The following NARS2 variants were observed in gnomAD, a reference collection of about 807,000 sequenced individuals.
NARS2 encodes the protein asparaginyl-tRNA synthetase.
Under a neutral mutation model 62.9 loss-of-function variants are expected in NARS2, and 60 were observed. The observed-to-expected ratio is 0.95, with a 90% CI of 0.77 to 1.18. The LOEUF (loss-of-function observed/expected upper bound fraction) is 1.18, where lower values mean the gene tolerates loss of function less well. Among genes scored for constraint, NARS2 ranks in the 50% most tolerant of loss-of-function variants. NARS2 has a pLI of 0.00. For synonymous variants in NARS2, 196 were observed against 200.0 expected (o/e 0.98, Z 0.17); for missense variants, 619 against 576.4 (o/e 1.07, Z -0.76).
chr11:78,438,831 T>C (rs994057263), intron 13 of NARS2, among the ~76,000 whole-genome samples: 1 of 152,166 alleles, frequency 6.6e-6, no homozygotes, highest in Non-Finnish European at 1.5e-5. Context: ...CTAGCAGACA[T>C]CACAGATATG....
At chr11:78,550,657 T>C (rs11237541) in intron 5 of NARS2, among the ~76,000 whole-genome samples, 104,373 of 152,000 alleles carry the variant, frequency 0.69, 37,642 homozygotes, top group Non-Finnish European at 0.81. Flanking sequence ...CTCAAAATGC[T>C]GCGGCCACTC....
intron 6 of NARS2, among the ~76,000 whole-genome samples, chr11:78,527,681 C>T (rs1159877672): frequency 1.3e-5 from 2 of 152,058 alleles, no homozygotes; most frequent in Non-Finnish European, 1.5e-5. Context: ...ATGGAAAACA[C>T]CAAAAGATTC....
intron 5 of NARS2, among the ~76,000 whole-genome samples, chr11:78,550,225 C>T (rs750357292): frequency 6.6e-5 from 10 of 152,172 alleles, no homozygotes; most frequent in Non-Finnish European, 1.5e-4. Flanking sequence ...AAAGTTCCCT[C>T]GACCTTTAAT....
intron 6 of NARS2, among the ~76,000 whole-genome samples, chr11:78,510,777 A>T (rs1375956297): frequency 6.6e-6 from 1 of 151,016 alleles, no homozygotes; most frequent in Non-Finnish European, 1.5e-5. Context: ...AACAAATGCA[A>T]AAAAAGAGAA....
intron 2 of NARS2, among the ~76,000 whole-genome samples, chr11:78,570,806 A>C (rs1372002535): frequency 2.0e-5 from 3 of 152,224 alleles, no homozygotes; most frequent in Admixed American, 2.0e-4. Context: ...GTGAGATGCC[A>C]TTCCTAACCT....
At chr11:78,527,314 TTGAA>T (rs1861328532) in intron 6 of NARS2, among the ~76,000 whole-genome samples, 1 of 152,216 alleles carries the variant, frequency 6.6e-6, no homozygotes, top group Non-Finnish European at 1.5e-5. Context: ...CATTTTGTAT[TTGAA>T]TGAGTCATGT....
chr11:78,459,046 C>G (rs1858282815), intron 11 of NARS2, among the ~76,000 whole-genome samples: 1 of 151,874 alleles, frequency 6.6e-6, no homozygotes, highest in Non-Finnish European at 1.5e-5. Context: ...GCCTCCCGAG[C>G]TGGGACTACA....
At chr11:78,566,407 G>A in intron 3 of NARS2, 135 bp from the exon 4 acceptor site, 1 of 663,252 alleles carries the variant, frequency 1.5e-6, no homozygotes, top group Non-Finnish European at 2.3e-6. Context: ...TAATATAACT[G>A]ATTTTAATCC....
chr11:78,441,890 A>C (rs1214017286), intron 12 of NARS2, among the ~76,000 whole-genome samples: 1 of 152,190 alleles, frequency 6.6e-6, no homozygotes, highest in Non-Finnish European at 1.5e-5. Context: ...ACTATTAATA[A>C]AATTTTAAAT....
chr11:78,572,799 C>T (rs144767189), intron 1 of NARS2, among the ~76,000 whole-genome samples: 114 of 152,004 alleles, frequency 7.5e-4, no homozygotes, highest in Non-Finnish European at 1.4e-3. Flanking sequence ...CCTATTATGC[C>T]CCAAATATTA....
intron 5 of NARS2, among the ~76,000 whole-genome samples, chr11:78,537,681 G>A (rs1226591659): frequency 6.6e-6 from 1 of 152,192 alleles, no homozygotes; most frequent in African/African-American, 2.4e-5. Flanking sequence ...CGTGCCTGTA[G>A]TTCCAGCTAC....
chr11:78,498,659 T>G (rs895587452), intron 6 of NARS2, among the ~76,000 whole-genome samples: 1 of 137,612 alleles, frequency 7.3e-6, no homozygotes, highest in African/African-American at 2.8e-5. Flanking sequence ...AGGCCAATCT[T>G]CCCAATACGC....
intron 5 of NARS2, among the ~76,000 whole-genome samples, chr11:78,541,973 T>C (rs1438098441): frequency 6.6e-6 from 1 of 152,230 alleles, no homozygotes; most frequent in African/African-American, 2.4e-5. Context: ...AAGCCATATA[T>C]GTAGGTCTTT....
At position 78,461,602 on chromosome 11, in the gene NARS2, T is replaced by TAAAAAAAA. The variant is rs59664343; in HGVS notation, c.1164+4266_1164+4273dup. ...GAATGAGTGGGAGATGCTGTGCTGG[T>TAAAAAAAA]AAAAAAAAAAAAAAAAAAAAAAAAA... On this transcript the variant is annotated intron_variant, in intron 11 of 13. Coordinates refer to ENST00000281038, the MANE Select transcript of NARS2 (RefSeq NM_024678.6). Among the ~76,000 whole-genome samples, 93 of 64,070 alleles carry TAAAAAAAA rather than the reference T, an allele frequency of 1.5e-3. 6 individuals are homozygous for TAAAAAAAA. Among genetic ancestry groups the TAAAAAAAA allele is most frequent in the African/African-American group, 5.0e-3 (82 of 16,410 alleles). 42.0% of individuals were successfully genotyped at this position (64,070 alleles called of 152,430 possible). A position where few individuals can be genotyped will look rare whatever the true frequency, so the allele number is the denominator to read the frequency against.
intron 7 of NARS2, among the ~76,000 whole-genome samples, chr11:78,484,565 A>G (rs889715572): frequency 3.3e-5 from 5 of 152,206 alleles, no homozygotes; most frequent in Non-Finnish European, 7.3e-5. Context: ...CAACCTCATC[A>G]AAAAGTGGGT....
chr11:78,570,754 A>G (rs1242229583), intron 2 of NARS2, among the ~76,000 whole-genome samples: 2 of 152,216 alleles, frequency 1.3e-5, no homozygotes, highest in African/African-American at 2.4e-5. Flanking sequence ...ATAATTTGTC[A>G]TATTGTCAGC....
At chr11:78,445,900 C>T (rs944510791) in intron 11 of NARS2, among the ~76,000 whole-genome samples, 4 of 152,160 alleles carry the variant, frequency 2.6e-5, no homozygotes, top group Non-Finnish European at 5.9e-5. Context: ...TTCGAAGTTA[C>T]AGTCAGCCAT....
intron 2 of NARS2, among the ~76,000 whole-genome samples, chr11:78,570,656 C>T (rs1229826245): frequency 6.6e-6 from 1 of 152,214 alleles, no homozygotes; most frequent in Non-Finnish European, 1.5e-5. Flanking sequence ...GCTAGGACTA[C>T]AGGCGTGAGC....
chr11:78,464,149 G>A (rs1434969767), intron 11 of NARS2, among the ~76,000 whole-genome samples: 1 of 152,008 alleles, frequency 6.6e-6, no homozygotes, highest in Non-Finnish European at 1.5e-5. Flanking sequence ...CCTTCGCGGT[G>A]AGTGTTAACA....
Sources: allele counts gnomAD v4.1 joint callset (sites outside exome capture counted in the v4.1 genomes callset), GRCh38; gene constraint gnomAD v4.1.1; transcripts MANE v1.5; gene names NCBI Gene and HGNC (gene_info 2026-07-23, HGNC 2026-07-21).